Variants in FHIT observed in about 807,000 individuals in gnomAD.
FHIT encodes the protein fragile histidine triad diadenosine triphosphatase.
Under a neutral mutation model 17.9 loss-of-function variants are expected in FHIT, and 19 were observed. The observed-to-expected ratio is 1.06, with a 90% CI of 0.74 to 1.56. The LOEUF (loss-of-function observed/expected upper bound fraction) is 1.56. Ranked by LOEUF, FHIT falls within the 40% of genes most tolerant of loss-of-function variation. The pLI is 0.00. For missense variants in FHIT, 248 were observed against 189.2 expected (o/e 1.31, Z -1.82); for synonymous variants, 81 against 69.7 (o/e 1.16, Z -0.81).
At chr3:61,124,416 C>T (rs1402826290) in intron 2 of FHIT, among the ~76,000 whole-genome samples, 2 of 152,064 alleles carry the variant, frequency 1.3e-5, no homozygotes, top group Non-Finnish European at 2.9e-5. Flanking sequence ...GTGGTAAATG[C>T]TTAACAACGG....
chr3:61,219,240 A>G (rs942953340), intron 1 of FHIT, among the ~76,000 whole-genome samples: 12 of 152,140 alleles, frequency 7.9e-5, no homozygotes, highest in African/African-American at 2.9e-4. Flanking sequence ...CTGAAATGAC[A>G]TTATGTGGCA....
chr3:60,282,655 C>G (rs1194441493), intron 5 of FHIT, among the ~76,000 whole-genome samples: 2 of 151,998 alleles, frequency 1.3e-5, no homozygotes, highest in African/African-American at 4.8e-5. Flanking sequence ...TAGTAGGAGA[C>G]ACTTGGTGGT....
At chr3:60,368,136 T>A (rs531099342) in intron 5 of FHIT, among the ~76,000 whole-genome samples, 2 of 151,684 alleles carry the variant, frequency 1.3e-5, no homozygotes, top group Admixed American at 6.6e-5. Context: ...ATACATACTT[T>A]CCTTTTGTAG....
chr3:60,501,607 AATTC>A (rs1197263245), intron 5 of FHIT, among the ~76,000 whole-genome samples: 3 of 152,152 alleles, frequency 2.0e-5, no homozygotes, highest in Admixed American at 6.5e-5. Flanking sequence ...TCAACTTTTG[AATTC>A]AGAATCCTTA....
chr3:61,083,252 G>A (rs570577666), intron 2 of FHIT, among the ~76,000 whole-genome samples: 1 of 152,314 alleles, frequency 6.6e-6, no homozygotes, highest in Admixed American at 6.5e-5. Flanking sequence ...ACAGAGTTGT[G>A]TAACAATCAC....
chr3:59,879,728 G>T (rs865828711), intron 8 of FHIT, among the ~76,000 whole-genome samples: 7 of 152,124 alleles, frequency 4.6e-5, no homozygotes, highest in Non-Finnish European at 8.8e-5. Flanking sequence ...GGCAATGATG[G>T]GATAATCACA....
intron 5 of FHIT, among the ~76,000 whole-genome samples, chr3:60,081,962 C>T (rs1458514996): frequency 6.6e-6 from 1 of 151,458 alleles, no homozygotes; most frequent in African/African-American, 2.4e-5. Context: ...GTCTACTTAT[C>T]TGTTTTTGTA....
chr3:60,353,543 T>G (rs189666979), intron 5 of FHIT, among the ~76,000 whole-genome samples: 3 of 152,282 alleles, frequency 2.0e-5, no homozygotes, highest in Non-Finnish European at 4.4e-5. Context: ...CTTTGTCTAA[T>G]CAATTTAGAC....
chr3:60,400,316 G>C (rs1353703879), intron 5 of FHIT, among the ~76,000 whole-genome samples: 1 of 152,140 alleles, frequency 6.6e-6, no homozygotes, highest in Non-Finnish European at 1.5e-5. Flanking sequence ...TGAAGCACGG[G>C]ATGGAGGACC....
At chr3:60,636,933 G>T (rs887606648) in intron 4 of FHIT, among the ~76,000 whole-genome samples, 2 of 152,176 alleles carry the variant, frequency 1.3e-5, no homozygotes, top group Non-Finnish European at 2.9e-5. Context: ...CTTTGATGGT[G>T]CCTTTCTCCT....
intron 4 of FHIT, among the ~76,000 whole-genome samples, chr3:60,734,574 A>G (rs1465157414): frequency 6.6e-6 from 1 of 152,254 alleles, no homozygotes; most frequent in Middle Eastern, 3.4e-3. Context: ...CCGCCATGTT[A>G]CCAAGGTCTC....
intron 5 of FHIT, among the ~76,000 whole-genome samples, chr3:60,460,057 G>A (rs776714471): frequency 6.6e-6 from 1 of 152,056 alleles, no homozygotes; most frequent in Non-Finnish European, 1.5e-5. Context: ...ACTTCTTATA[G>A]TCCTCCTCTC....
intron 7 of FHIT, among the ~76,000 whole-genome samples, chr3:59,930,572 G>C (rs1392803518): frequency 6.6e-6 from 1 of 152,110 alleles, no homozygotes; most frequent in African/African-American, 2.4e-5. Flanking sequence ...AGGGCGGCAG[G>C]CTTCAGTTCC....
At chr3:60,820,850 T>C (rs1367805422) in intron 4 of FHIT, among the ~76,000 whole-genome samples, 2 of 152,060 alleles carry the variant, frequency 1.3e-5, no homozygotes, top group East Asian at 3.9e-4. Flanking sequence ...AAAGATGAGA[T>C]GAGGTAACAG....
At chr3:60,600,072 C>A (rs1324859127) in intron 4 of FHIT, among the ~76,000 whole-genome samples, 4 of 152,040 alleles carry the variant, frequency 2.6e-5, no homozygotes, top group South Asian at 4.2e-4. Context: ...AAGGAAGCAG[C>A]CACTTCCTCA....
At chr3:61,151,995 A>G (rs1163064763) in intron 2 of FHIT, among the ~76,000 whole-genome samples, 1 of 152,214 alleles carries the variant, frequency 6.6e-6, no homozygotes, top group Non-Finnish European at 1.5e-5. Context: ...TGGAATACTT[A>G]GCTTATTGTA....
Position 60,193,547 on chromosome 3 carries a change from CA to C in FHIT, c.104-179396del, listed in dbSNP as rs1358441676. ...AAAGAAAATGGACAACTCTCAAACA[CA>C]GGGACATAGATGAGGCAGAAAAGAA... is the stretch of plus-strand genomic sequence containing the variant. On this transcript the variant is annotated intron_variant, in intron 5 of 9. Coordinates refer to ENST00000492590, the MANE Select transcript of FHIT (RefSeq NM_002012.4). Among the ~76,000 whole-genome samples, 4 of 152,300 alleles carry C rather than the reference CA, an allele frequency of 2.6e-5. No homozygotes were observed. In the East Asian group the frequency reaches 7.7e-4, roughly 29 times the overall value.
intron 1 of FHIT, among the ~76,000 whole-genome samples, chr3:61,201,136 C>T (rs1916802): frequency 0.58 from 88,159 of 152,050 alleles, 29,233 homozygotes; most frequent in African/African-American, 0.88. Flanking sequence ...ATAAACCTCA[C>T]CACTTGCTCC....
intron 5 of FHIT, among the ~76,000 whole-genome samples, chr3:60,486,237 G>C (rs149217868): frequency 6.6e-6 from 1 of 152,100 alleles, no homozygotes; most frequent in African/African-American, 2.4e-5. Flanking sequence ...GTAATTCAGG[G>C]CTAGAATTTC....
Sources: gnomAD v4.1 joint callset for allele counts (sites outside exome capture counted in the v4.1 genomes callset) on GRCh38, gnomAD v4.1.1 for gene constraint, MANE v1.5 for transcripts, NCBI Gene and HGNC (gene_info 2026-07-23, HGNC 2026-07-21) for gene names.